Variants in SORBS2 observed in about 807,000 individuals in gnomAD.
SORBS2 encodes the protein sorbin and SH3 domain-containing protein 2.
SORBS2 carries 46 observed loss-of-function variants against 97.7 expected under a neutral mutation model. That is an observed-to-expected ratio of 0.47 (90% CI 0.37 to 0.60). The LOEUF (loss-of-function observed/expected upper bound fraction) is 0.60. SORBS2 is among the 20% of genes least tolerant of loss of function. The probability of loss-of-function intolerance (pLI) is 0.00; values close to 1 mark genes in which losing one functional copy is unlikely to be tolerated. For missense variants in SORBS2, 1,316 were observed against 1,282.3 expected (o/e 1.03, Z -0.40); for synonymous variants, 476 against 473.4 (o/e 1.01, Z -0.07).
intron 1 of SORBS2, chr4:185,956,187 A>G (rs2099279437): frequency 6.6e-6 from 1 of 152,202 alleles, no homozygotes; most frequent in Non-Finnish European, 1.5e-5. Flanking sequence ...AATGAAAAGG[A>G]AGTGATACCT....
intron 2 of SORBS2, among the ~76,000 whole-genome samples, chr4:185,731,178 A>T (rs2098620499): frequency 6.6e-6 from 1 of 152,180 alleles, no homozygotes; most frequent in South Asian, 2.1e-4. Flanking sequence ...TCATCTTGAC[A>T]GAGTCAAATG....
At chr4:185,937,496 C>A (rs1197329132) in intron 1 of SORBS2, among the ~76,000 whole-genome samples, 1 of 152,166 alleles carries the variant, frequency 6.6e-6, no homozygotes, top group Non-Finnish European at 1.5e-5. Flanking sequence ...TGCTTAACTT[C>A]AGAAGTGGAG....
chr4:185,899,368 T>G (rs2099246462), intron 1 of SORBS2, among the ~76,000 whole-genome samples: 1 of 152,208 alleles, frequency 6.6e-6, no homozygotes, highest in African/African-American at 2.4e-5. Flanking sequence ...GGACATATTT[T>G]TTATTTTAGA....
chr4:185,585,955 C>G (rs536594266), exon 15 of SORBS2: 1 of 152,640 alleles, frequency 6.6e-6, no homozygotes, highest in East Asian at 1.9e-4. Context: ...TAAATGCTAT[C>G]TGACAGAATC....
chr4:185,588,659 G>A (rs1032431771), intron 14 of SORBS2, among the ~76,000 whole-genome samples: 5 of 121,536 alleles, frequency 4.1e-5, no homozygotes, highest in African/African-American at 1.5e-4. Flanking sequence ...TTGTCGCCCA[G>A]GCTGGAGTGC....
chr4:185,767,220 C>T (rs1049090189), intron 2 of SORBS2, among the ~76,000 whole-genome samples: 3 of 151,982 alleles, frequency 2.0e-5, no homozygotes, highest in Non-Finnish European at 2.9e-5. Context: ...AAGAGCTGGC[C>T]GGGCGCGGTG....
intron 2 of SORBS2, among the ~76,000 whole-genome samples, chr4:185,722,389 G>A (rs2153561454): frequency 6.6e-6 from 1 of 152,310 alleles, no homozygotes; most frequent in Middle Eastern, 3.4e-3. Flanking sequence ...TATCATTCAT[G>A]TGGGCATTTA....
At chr4:185,668,282 C>T (rs964398867) in intron 4 of SORBS2, among the ~76,000 whole-genome samples, 1 of 152,186 alleles carries the variant, frequency 6.6e-6, no homozygotes, top group Non-Finnish European at 1.5e-5. Flanking sequence ...ATGGTCCTTA[C>T]CCATTCAATT....
intron 2 of SORBS2, among the ~76,000 whole-genome samples, chr4:185,724,468 C>T (rs1020777394): frequency 2.6e-5 from 4 of 152,096 alleles, no homozygotes. Flanking sequence ...ATGGGCCAAC[C>T]GGTGATGAGA....
At chr4:185,742,744 T>C (rs1338595232) in intron 2 of SORBS2, among the ~76,000 whole-genome samples, 1 of 152,162 alleles carries the variant, frequency 6.6e-6, no homozygotes, top group African/African-American at 2.4e-5. Context: ...GGAGAGAAAA[T>C]GTAGGAAAGT....
intron 1 of SORBS2, among the ~76,000 whole-genome samples, chr4:185,782,209 G>A (rs2099034668): frequency 6.6e-6 from 1 of 152,224 alleles, no homozygotes; most frequent in African/African-American, 2.4e-5. Flanking sequence ...AAAACATTAT[G>A]TATTCTAATT....
intron 2 of SORBS2, among the ~76,000 whole-genome samples, chr4:185,723,859 T>C (rs755445975): frequency 1.2e-4 from 18 of 152,196 alleles, no homozygotes; most frequent in Non-Finnish European, 2.2e-4. Context: ...CTCAGTATAT[T>C]AATCCATGGG....
chr4:185,657,448 G>T (rs777880459), upstream of SORBS2: 2 of 1,560,208 alleles, frequency 1.3e-6, no homozygotes, highest in Non-Finnish European at 1.7e-6. Flanking sequence ...TGGGGATTCC[G>T]GATTCATCCA....
intron 1 of SORBS2, among the ~76,000 whole-genome samples, chr4:185,906,390 C>G (rs558629150): frequency 6.6e-6 from 1 of 152,278 alleles, no homozygotes; most frequent in East Asian, 1.9e-4. Flanking sequence ...ATATGCCACT[C>G]TATCCAAAAC....
intron 1 of SORBS2, among the ~76,000 whole-genome samples, chr4:185,927,292 T>A (rs1295249167): frequency 6.6e-6 from 1 of 151,896 alleles, no homozygotes; most frequent in East Asian, 1.9e-4. Context: ...TATTTTACTT[T>A]AAGTTCTGGG....
At chr4:185,799,795 C>T (rs898558935) in intron 1 of SORBS2, among the ~76,000 whole-genome samples, 36 of 152,246 alleles carry the variant, frequency 2.4e-4, no homozygotes, top group Middle Eastern at 3.4e-3. Flanking sequence ...GGGACTATGG[C>T]GACACTCATT....
intron 2 of SORBS2, among the ~76,000 whole-genome samples, chr4:185,681,776 G>A (rs980932063): frequency 6.6e-6 from 1 of 152,130 alleles, no homozygotes; most frequent in African/African-American, 2.4e-5. Flanking sequence ...TGTCAGGGGT[G>A]GAACTGGATG....
intron 1 of SORBS2, among the ~76,000 whole-genome samples, chr4:185,898,624 G>A (rs535131826): frequency 3.9e-5 from 6 of 152,228 alleles, no homozygotes; most frequent in Admixed American, 2.6e-4. Flanking sequence ...ACTAACTAGC[G>A]GCTACGTTGA....
chr4:185,765,283 T>A (rs892181574), intron 2 of SORBS2, among the ~76,000 whole-genome samples: 1 of 152,186 alleles, frequency 6.6e-6, no homozygotes, highest in African/African-American at 2.4e-5. Flanking sequence ...ATTTCCTTCC[T>A]TTCTGATTTA....
Sources: allele counts gnomAD v4.1 joint callset (sites outside exome capture counted in the v4.1 genomes callset), GRCh38; gene constraint gnomAD v4.1.1; transcripts MANE v1.5; gene names NCBI Gene and HGNC (gene_info 2026-07-23, HGNC 2026-07-21).